Variants in ITPR1 observed in about 807,000 individuals in gnomAD.
ITPR1 encodes inositol 1,4,5-trisphosphate-gated calcium channel ITPR1.
In ITPR1, 96 loss-of-function variants were observed where a neutral mutation model predicts 318.4. That is an observed-to-expected ratio of 0.30 (90% CI 0.26 to 0.36). The LOEUF is 0.36. ITPR1 is among the 10% of genes least tolerant of loss of function. The pLI is 1.00. For missense variants in ITPR1, 2,440 were observed against 3,460.2 expected (o/e 0.71, Z 7.40); for synonymous variants, 1,312 against 1,289.9 (o/e 1.02, Z -0.37).
Position 4,640,871 on chromosome 3 carries a change from C to G in ITPR1, c.367-1222C>G, listed in dbSNP as rs548220077. On this transcript the variant is annotated intron_variant, in intron 6 of 61. Coordinates refer to ENST00000649015, the MANE Select transcript of ITPR1 (RefSeq NM_001378452.1). ...ACTTTCGTTTATAAACAAACTGAGTCTGGCACCTAGACAGATGTGTGCAGG... is the reference window on the plus strand; with the variant it reads ...ACTTTCGTTTATAAACAAACTGAGTGTGGCACCTAGACAGATGTGTGCAGG... Among the ~76,000 whole-genome samples, 48 of 152,304 alleles carry G rather than the reference C, an allele frequency of 3.2e-4. 1 individual carries two copies. The highest frequency in any genetic ancestry group is 9.9e-4 in the African/African-American group (41 of 41,566).
chr3:4,612,760 G>C (rs1015870762), intron 4 of ITPR1, among the ~76,000 whole-genome samples: 1 of 152,104 alleles, frequency 6.6e-6, no homozygotes, highest in Non-Finnish European at 1.5e-5. Context: ...GGTGGTGGGG[G>C]CCTGTAATCC....
chr3:4,719,772 G>C (rs1311196408), intron 40 of ITPR1, among the ~76,000 whole-genome samples: 1 of 150,662 alleles, frequency 6.6e-6, no homozygotes, highest in Admixed American at 6.6e-5. Flanking sequence ...AAAGCGCATG[G>C]TATGGGGTCT....
At chr3:4,529,336 A>T (rs1167935054) in intron 4 of ITPR1, among the ~76,000 whole-genome samples, 2 of 152,174 alleles carry the variant, frequency 1.3e-5, no homozygotes, top group Admixed American at 1.3e-4. Flanking sequence ...TGCTTTTGTG[A>T]CTTCCTCCAT....
intron 20 of ITPR1, among the ~76,000 whole-genome samples, chr3:4,672,283 T>C (rs537768161): frequency 4.6e-5 from 7 of 152,396 alleles, no homozygotes; most frequent in Non-Finnish European, 8.8e-5. Context: ...GCTTTGTTTC[T>C]TCATGTCTTT....
chr3:4,528,424 G>T (rs1353501454), intron 4 of ITPR1, among the ~76,000 whole-genome samples: 1 of 152,116 alleles, frequency 6.6e-6, no homozygotes, highest in East Asian at 1.9e-4. Context: ...GGTCATCTAG[G>T]GTGGCTATAA....
chr3:4,580,949 G>C (rs114850193), intron 4 of ITPR1, among the ~76,000 whole-genome samples: 1 of 152,060 alleles, frequency 6.6e-6, no homozygotes, highest in Non-Finnish European at 1.5e-5. Context: ...TACCAATCAC[G>C]TTAGGTGCCA....
chr3:4,517,732 C>T (rs1195154051), intron 3 of ITPR1, among the ~76,000 whole-genome samples: 1 of 152,200 alleles, frequency 6.6e-6, no homozygotes, highest in South Asian at 2.1e-4. Flanking sequence ...AACAATTTAT[C>T]TTCTGTGGCT....
chr3:4,711,829 G>T lies in ITPR1; in HGVS notation c.5064G>T (p.Leu1688=). The T allele has an allele frequency of 1.3e-6, 2 of 1,545,692 alleles. No homozygotes were observed. ...EKLCIKVLQT[L]REMMTKDRGY... is the part of the protein sequence containing the mutation. ...TCTGCATTAAGGTCCTACAGACCCT[G>T]AGGGAAATGATGACCAAAGATAGAG... Residue 1688 remains leucine, a synonymous_variant, in exon 39 of 62, where the codon CTG becomes CTT. Transcript: ENST00000649015.
chr3:4,559,704 A>G (rs1241752893), intron 4 of ITPR1, among the ~76,000 whole-genome samples: 1 of 152,216 alleles, frequency 6.6e-6, no homozygotes. Flanking sequence ...CAGCCATTTT[A>G]TTAAGTGTTT....
chr3:4,530,759 C>T (rs1310456085), intron 4 of ITPR1, among the ~76,000 whole-genome samples: 1 of 148,522 alleles, frequency 6.7e-6, no homozygotes, highest in African/African-American at 2.6e-5. Context: ...CCAGCCTGGG[C>T]AACAGAGCAA....
Position 4,693,452 on chromosome 3 carries a change from C to T in ITPR1, c.4030-38C>T, listed in dbSNP as rs763257183. 7.5e-6 allele frequency: 12 copies of T among 1,598,022 alleles called. No homozygotes were observed. The South Asian group carries it at 1.3e-4, about 18-fold the overall frequency. ...TTTTTTTCATGCTGCCCCACCCCTG[C>T]AAGCTTGTAATCTAAACCCACCCTG... On this transcript the variant is annotated intron_variant, in intron 32 of 61. Coordinates refer to ENST00000649015, the MANE Select transcript of ITPR1 (RefSeq NM_001378452.1).
intron 4 of ITPR1, among the ~76,000 whole-genome samples, chr3:4,539,976 C>T (rs2084272019): frequency 1.7e-5 from 2 of 116,356 alleles, no homozygotes; most frequent in Admixed American, 8.9e-5. Context: ...GGAAAGCAGA[C>T]TAAGATGCAA....
chr3:4,496,440 T>A (rs1359136754), intron 2 of ITPR1, among the ~76,000 whole-genome samples: 1 of 152,230 alleles, frequency 6.6e-6, no homozygotes, highest in Non-Finnish European at 1.5e-5. Flanking sequence ...AAGTTCTTCA[T>A]GTTCTAAGTG....
chr3:4,804,698 G>C (rs1296077679), intron 54 of ITPR1, among the ~76,000 whole-genome samples: 2 of 152,288 alleles, frequency 1.3e-5, no homozygotes, highest in South Asian at 2.1e-4. Flanking sequence ...GGATCATCCA[G>C]AATCAGTGAT....
intron 44 of ITPR1, chr3:4,735,738 A>T: frequency 5.0e-6 from 1 of 200,456 alleles, no homozygotes; most frequent in Non-Finnish European, 1.0e-5. Context: ...AAGAGTTTGA[A>T]CTGTGTGTGC....
chr3:4,846,335 G>T lies in ITPR1; in HGVS notation c.*110G>T. On this transcript the variant is annotated 3_prime_UTR_variant, in exon 62 of 62. Coordinates refer to ENST00000649015, the MANE Select transcript of ITPR1 (RefSeq NM_001378452.1). ...GGTTACATTTATGCTGAATACATTT[G>T]TAAATACTCAGTTTTATACTGTATG... The T allele has an allele frequency of 1.5e-6, 1 of 677,868 alleles. No individual in the cohort carries two copies. The highest frequency in any genetic ancestry group is 2.6e-6 in the Non-Finnish European group (1 of 391,342). The allele number at this position is 677,868 out of a possible 1,614,324, so 42.0% of individuals were successfully genotyped here.
At chr3:4,637,228 C>T (rs2093217611) in intron 5 of ITPR1, among the ~76,000 whole-genome samples, 1 of 152,126 alleles carries the variant, frequency 6.6e-6, no homozygotes, top group Non-Finnish European at 1.5e-5. Context: ...ATATTTTCCC[C>T]CTCTTGAGTT....
chr3:4,719,431 G>A (rs1001947078), intron 40 of ITPR1, among the ~76,000 whole-genome samples: 1 of 152,168 alleles, frequency 6.6e-6, no homozygotes, highest in East Asian at 1.9e-4. Flanking sequence ...CCACCAAGTC[G>A]TTTGCCGGTG....
chr3:4,831,995 G>T (rs1372845307), intron 60 of ITPR1, among the ~76,000 whole-genome samples: 1 of 152,188 alleles, frequency 6.6e-6, no homozygotes, highest in Non-Finnish European at 1.5e-5. Context: ...AAAGCCAACG[G>T]GAAATTGAGA....
Sources: gnomAD v4.1 joint callset for allele counts (sites outside exome capture counted in the v4.1 genomes callset) on GRCh38, gnomAD v4.1.1 for gene constraint, MANE v1.5 for transcripts, NCBI Gene and HGNC (gene_info 2026-07-23, HGNC 2026-07-21) for gene names.